Variants in SCGB1D4 observed in about 807,000 individuals in gnomAD.
The protein encoded by SCGB1D4 is IFN-gamma inducible SCGB (IIS).
SCGB1D4 carries 6 observed loss-of-function variants against 8.1 expected under a neutral mutation model. The ratio of observed to expected loss-of-function variants is 0.74; its 90% confidence interval spans 0.40 to 1.45. SCGB1D4 has a LOEUF of 1.45. SCGB1D4 is among the 40% of genes most tolerant of loss of function. SCGB1D4 has a pLI of 0.02. For missense variants in SCGB1D4, 93 were observed against 95.0 expected (o/e 0.98, Z 0.09); for synonymous variants, 34 against 38.1 (o/e 0.89, Z 0.39).
At chr11:62,298,011 TG>T (rs1554992409) in intron 1 of SCGB1D4, among the ~76,000 whole-genome samples, 1 of 14,116 alleles carries the variant, frequency 7.1e-5, no homozygotes, top group Non-Finnish European at 1.2e-4. Context: ...TGCCCGCTTT[TG>T]TGTGTGTGTG....
intron 2 of SCGB1D4, 111 bp downstream of exon 2, chr11:62,297,361 C>T (rs1945448470): frequency 1.1e-6 from 1 of 890,868 alleles, no homozygotes; most frequent in Non-Finnish European, 1.8e-6. Context: ...CCCATGTCCT[C>T]AGCACACTCT....
At chr11:62,298,047 T>TGTG (rs1218181621) in intron 1 of SCGB1D4, among the ~76,000 whole-genome samples, 16 of 103,356 alleles carry the variant, frequency 1.5e-4, no homozygotes, top group African/African-American at 5.5e-4. Context: ...TGTGTGTGTG[T>TGTG]TTTGTTTTGT....
At chr11:62,297,733 C>A in intron 1 of SCGB1D4, 75 bp from the exon 2 acceptor site, 1 of 1,204,408 alleles carries the variant, frequency 8.3e-7, no homozygotes, top group Non-Finnish European at 1.2e-6. Flanking sequence ...GAGGTTACAC[C>A]AGACAGGATC....
In SCGB1D4 at chr11:62,296,432, A is replaced by AAAAAGAAAG; in HGVS notation, c.243-14_243-13insCTTTCTTTT. 6.2e-7 allele frequency: 1 copy of AAAAAGAAAG among 1,608,534 alleles called. No individual in the cohort carries two copies. The highest frequency in any genetic ancestry group is 8.5e-7 in the Non-Finnish European group (1 of 1,176,236). ...TCACTATTTCCACCTGAAATCAAAA[A>AAAAAGAAAG]AAAGAAAGAAAGAAAGAAAGGTGAG... On this transcript the variant is annotated splice_polypyrimidine_tract_variant and intron_variant, in intron 2 of 2. Transcript: ENST00000358585.
In SCGB1D4 at chr11:62,297,654, A is replaced by G. The variant is rs779960793; in HGVS notation, c.60T>C (p.His20=). ...AAGCAACAGCTGGGCAGACAAGAGC[A>G]TGGGCTGCAGCACAAAAATAAAAAT... ...VSLALCCYQA[H]ALVCPAVASE... is the part of the protein sequence containing the mutation. Residue 20 remains histidine, a synonymous_variant, in exon 2 of 3, where the codon CAT becomes CAC. Transcript: ENST00000358585. 2.5e-6 allele frequency: 4 copies of G among 1,610,858 alleles called. No individual in the cohort carries two copies. In the South Asian group the frequency reaches 3.3e-5, roughly 13 times the overall value.
chr11:62,298,111 C>T (rs1945459659), intron 1 of SCGB1D4, among the ~76,000 whole-genome samples: 1 of 145,684 alleles, frequency 6.9e-6, no homozygotes, highest in Non-Finnish European at 1.5e-5. Flanking sequence ...TGGTGCTGAA[C>T]TCCTGAGCTC....
At chr11:62,298,881 A>G (rs975492970) in intron 1 of SCGB1D4, 75 bp downstream of exon 1, 1 of 1,485,348 alleles carries the variant, frequency 6.7e-7, no homozygotes, top group African/African-American at 1.4e-5. Flanking sequence ...AACCCAAAGC[A>G]CAAATAGGTG....
chr11:62,298,498 C>G (rs1464289187), intron 1 of SCGB1D4, among the ~76,000 whole-genome samples: 1 of 152,120 alleles, frequency 6.6e-6, no homozygotes, highest in Non-Finnish European at 1.5e-5. Context: ...GTAGCTCATG[C>G]CTGTTATCCC....
chr11:62,297,776 G>A (rs1287033019), intron 1 of SCGB1D4, 118 bp from the exon 2 acceptor site: 15 of 768,482 alleles, frequency 2.0e-5, no homozygotes, highest in Non-Finnish European at 2.9e-5. Flanking sequence ...CCATTATTGT[G>A]CTGATGACAA....
chr11:62,297,516 G>T lies in SCGB1D4; in HGVS notation c.198C>A (p.Thr66=). The part of the protein sequence containing the change: ...LAAKLEVKHC[T]DQISFKKRLS... The stretch of plus-strand genomic sequence containing the variant: ...GTCGTTTCTTAAAAGATATCTGATC[G>T]GTGCAGTGCTTCACTTCCAACTTGG... The change falls in exon 2 of 3, where the codon ACC becomes ACA. Residue 66 remains threonine, a synonymous_variant. Transcript: ENST00000358585. The T allele has an allele frequency of 1.2e-6, 2 of 1,613,730 alleles. No individual in the cohort carries two copies. The highest frequency in any genetic ancestry group is 1.7e-6 in the Non-Finnish European group (2 of 1,179,818).
chr11:62,298,052 T>TG (rs927540493), intron 1 of SCGB1D4, among the ~76,000 whole-genome samples: 2 of 127,822 alleles, frequency 1.6e-5, no homozygotes, highest in African/African-American at 6.6e-5. Flanking sequence ...GTGTGTTTTG[T>TG]TTTGTTTTTT....
intron 1 of SCGB1D4, 144 bp from the exon 2 acceptor site, chr11:62,297,802 G>T: frequency 1.6e-6 from 1 of 639,772 alleles, no homozygotes. Flanking sequence ...GAAACTCCAG[G>T]TGTGACTTTC....
chr11:62,296,536 G>A lies in SCGB1D4; in HGVS notation c.243-117C>T, dbSNP rs552665812. 852 of 1,027,090 alleles carry A rather than the reference G, an allele frequency of 8.3e-4. 2 individuals carry two copies. The highest frequency in any genetic ancestry group is 1.6e-3 in the Middle Eastern group (8 of 4,888). 63.6% of individuals were successfully genotyped at this position (1,027,090 alleles called of 1,614,324 possible). ...ATTTTGCCCCAATGGCAATTGGAAA[G>A]GCAGAGGCAAGAATTCAGTTTGGGA... On this transcript the variant is annotated intron_variant, in intron 2 of 2. Coordinates refer to ENST00000358585, the MANE Select transcript of SCGB1D4 (RefSeq NM_206998.2).
In SCGB1D4 at chr11:62,299,014, G is replaced by A. The variant is rs767223822; in HGVS notation, c.-4C>T. On this transcript the variant is annotated 5_prime_UTR_variant, in exon 1 of 3. Coordinates refer to ENST00000358585, the MANE Select transcript of SCGB1D4 (RefSeq NM_206998.2). ...GGAGACACACTGACAGCCTCATGGTGGCTTATTCGGCTGTGAGCTCAGCTT... is the reference window on the plus strand; with the variant it reads ...GGAGACACACTGACAGCCTCATGGTAGCTTATTCGGCTGTGAGCTCAGCTT... The A allele has an allele frequency of 6.2e-7, 1 of 1,613,216 alleles. No individual in the cohort carries two copies. Among genetic ancestry groups the A allele is most frequent in the Admixed American group, 1.7e-5 (1 of 59,858 alleles).
chr11:62,298,038 G>A (rs1945457508), intron 1 of SCGB1D4, among the ~76,000 whole-genome samples: 1 of 146,202 alleles, frequency 6.8e-6, no homozygotes, highest in Non-Finnish European at 1.5e-5. Flanking sequence ...GTGTGTGTGT[G>A]TGTGTGTGTT....
At chr11:62,298,785 A>G (rs535990992) in intron 1 of SCGB1D4, among the ~76,000 whole-genome samples, 171 bp downstream of exon 1, 10 of 151,902 alleles carry the variant, frequency 6.6e-5, no homozygotes, top group Admixed American at 6.6e-4. Context: ...AGGAAGAAGA[A>G]AGAAGAAATA....
intron 1 of SCGB1D4, among the ~76,000 whole-genome samples, chr11:62,298,357 C>T (rs1945461500): frequency 1.3e-5 from 2 of 152,140 alleles, no homozygotes; most frequent in African/African-American, 4.8e-5. Flanking sequence ...CACATTACAT[C>T]ATCTGACACA....
intron 2 of SCGB1D4, 147 bp downstream of exon 2, chr11:62,297,325 A>G: frequency 1.4e-6 from 1 of 694,802 alleles, no homozygotes; most frequent in Non-Finnish European, 2.5e-6. Context: ...GCCCTTCACC[A>G]TCCCTGCCTT....
intron 1 of SCGB1D4, among the ~76,000 whole-genome samples, chr11:62,298,039 TGTGTGTGTTTTG>T (rs1565139719): frequency 7.5e-5 from 11 of 147,034 alleles, no homozygotes; most frequent in African/African-American, 2.8e-4. Context: ...TGTGTGTGTG[TGTGTGTGTTTTG>T]TTTTGTTTTT....
Sources: gnomAD v4.1 joint callset for allele counts (sites outside exome capture counted in the v4.1 genomes callset) on GRCh38, gnomAD v4.1.1 for gene constraint, MANE v1.5 for transcripts, NCBI Gene and HGNC (gene_info 2026-07-23, HGNC 2026-07-21) for gene names.